Variants in VPS13B observed in about 807,000 individuals in gnomAD.
The protein encoded by VPS13B is intermembrane lipid transfer protein VPS13B.
A neutral mutation model predicts 426.4 loss-of-function variants in VPS13B; 285 were observed. The observed-to-expected ratio is 0.67, with a 90% CI of 0.61 to 0.74. The LOEUF (loss-of-function observed/expected upper bound fraction) is 0.74. Among genes scored for constraint, VPS13B ranks in the 30% least tolerant of loss-of-function variants. The pLI, the probability that VPS13B is intolerant of heterozygous loss-of-function variation, is 0.00. For missense variants in VPS13B, 4,537 were observed against 4,782.6 expected (o/e 0.95, Z 1.51); for synonymous variants, 1,676 against 1,676.4 (o/e 1.00, Z 0.01).
chr8:99,729,508 G>C (rs1045936890), intron 39 of VPS13B, among the ~76,000 whole-genome samples: 3 of 152,190 alleles, frequency 2.0e-5, no homozygotes, highest in African/African-American at 7.2e-5. Flanking sequence ...CTTATCTCCA[G>C]TGTGCTTAAG....
chr8:99,793,461 A>G (rs1034932841), intron 43 of VPS13B, among the ~76,000 whole-genome samples: 4 of 152,050 alleles, frequency 2.6e-5, no homozygotes, highest in African/African-American at 4.8e-5. Context: ...TTTAGATACT[A>G]TGGAGGCTAG....
In VPS13B at chr8:99,520,818, A is replaced by G. The variant is rs1028666542; in HGVS notation, c.4634-81A>G. On this transcript the variant is annotated intron_variant, in intron 29 of 61. Transcript: ENST00000357162. ...TCTTATCTTAATGTGTCTCTATTCC[A>G]TTCCCTCAAAGATTTCTCCTTATGC... 6 of 977,270 alleles carry G rather than the reference A, an allele frequency of 6.1e-6. No homozygotes were observed. The African/African-American group carries it at 9.6e-5, about 16-fold the overall frequency. 60.5% of individuals were successfully genotyped at this position (977,270 alleles called of 1,614,324 possible).
intron 52 of VPS13B, among the ~76,000 whole-genome samples, chr8:99,832,943 C>T (rs1379331062): frequency 6.6e-6 from 1 of 152,064 alleles, no homozygotes; most frequent in Non-Finnish European, 1.5e-5. Context: ...TATCATCATA[C>T]AAATAGCATC....
chr8:99,487,009 G>A (rs935535112), intron 25 of VPS13B, among the ~76,000 whole-genome samples: 2 of 151,932 alleles, frequency 1.3e-5, no homozygotes, highest in African/African-American at 4.8e-5. Context: ...TAGGCTTAAA[G>A]GGCAGGAGAG....
intron 22 of VPS13B, among the ~76,000 whole-genome samples, chr8:99,432,352 G>C (rs577508393): frequency 6.6e-6 from 1 of 152,154 alleles, no homozygotes; most frequent in African/African-American, 2.4e-5. Flanking sequence ...CTTGACTTAA[G>C]ATATAAAAGT....
At chr8:99,737,240 C>T (rs1833878624) in intron 39 of VPS13B, among the ~76,000 whole-genome samples, 1 of 149,228 alleles carries the variant, frequency 6.7e-6, no homozygotes, top group South Asian at 2.1e-4. Flanking sequence ...CCTGCCTCAG[C>T]CTCCCAAGTA....
intron 10 of VPS13B, 44 bp downstream of exon 10, chr8:99,135,181 T>A (rs375617776): frequency 7.5e-6 from 12 of 1,610,354 alleles, no homozygotes; most frequent in Non-Finnish European, 1.0e-5. Context: ...GATATAGGAA[T>A]AATTAAGTGC....
At chr8:99,587,916 T>C (rs1346526517) in intron 33 of VPS13B, among the ~76,000 whole-genome samples, 1 of 151,814 alleles carries the variant, frequency 6.6e-6, no homozygotes, top group Non-Finnish European at 1.5e-5. Flanking sequence ...TCCTGAATGG[T>C]AATGCCTAGG....
At chr8:99,613,527 C>G (rs1827931417) in intron 33 of VPS13B, among the ~76,000 whole-genome samples, 1 of 152,126 alleles carries the variant, frequency 6.6e-6, no homozygotes, top group African/African-American at 2.4e-5. Flanking sequence ...CAATAGATAG[C>G]ACGATTTCTT....
At chr8:99,305,213 G>A (rs1487194180) in intron 19 of VPS13B, among the ~76,000 whole-genome samples, 1 of 152,050 alleles carries the variant, frequency 6.6e-6, no homozygotes, top group Non-Finnish European at 1.5e-5. Flanking sequence ...TATGAATACA[G>A]TTGGCTCTTT....
chr8:99,523,284 G>A (rs905956286), intron 30 of VPS13B, among the ~76,000 whole-genome samples: 1 of 152,160 alleles, frequency 6.6e-6, no homozygotes, highest in Admixed American at 6.5e-5. Flanking sequence ...TGGGAGCCGG[G>A]GAACTCACCA....
intron 16 of VPS13B, among the ~76,000 whole-genome samples, chr8:99,181,411 T>C (rs1812940162): frequency 1.3e-5 from 2 of 152,304 alleles, no homozygotes; most frequent in Middle Eastern, 3.4e-3. Flanking sequence ...TTATGTATTA[T>C]AGTGGTTAGG....
At chr8:99,519,909 C>G (rs1822282530) in intron 29 of VPS13B, among the ~76,000 whole-genome samples, 2 of 152,036 alleles carry the variant, frequency 1.3e-5, no homozygotes, top group African/African-American at 4.8e-5. Flanking sequence ...ATGTAACAAA[C>G]CTGCATGTTG....
chr8:99,476,134 C>T (rs1819675740), intron 24 of VPS13B, among the ~76,000 whole-genome samples: 1 of 152,102 alleles, frequency 6.6e-6, no homozygotes, highest in African/African-American at 2.4e-5. Flanking sequence ...AAATGTGAGA[C>T]CATCTTTGCA....
At chr8:99,803,249 G>A (rs1377062376) in intron 43 of VPS13B, among the ~76,000 whole-genome samples, 1 of 152,130 alleles carries the variant, frequency 6.6e-6, no homozygotes, top group African/African-American at 2.4e-5. Flanking sequence ...TTATGAATGT[G>A]TCAGGTTTCC....
At chr8:99,752,468 A>G (rs1042067897) in intron 39 of VPS13B, among the ~76,000 whole-genome samples, 2 of 152,180 alleles carry the variant, frequency 1.3e-5, no homozygotes, top group Non-Finnish European at 2.9e-5. Context: ...CTTATATACT[A>G]CAATAGTCAG....
At chr8:99,442,736 C>T in intron 23 of VPS13B, 101 bp downstream of exon 23, 1 of 1,239,458 alleles carries the variant, frequency 8.1e-7, no homozygotes, top group South Asian at 1.3e-5. Context: ...AATCAGTCTT[C>T]TCATTGAAAG....
At chr8:99,418,511 CTTT>C (rs1816185676) in intron 21 of VPS13B, among the ~76,000 whole-genome samples, 2 of 118,052 alleles carry the variant, frequency 1.7e-5, no homozygotes, top group South Asian at 2.6e-4. Context: ...TTCTTTCTTT[CTTT>C]CCTTTCTTTC....
chr8:99,132,829 G>A lies in VPS13B; in HGVS notation c.1207-1803G>A, dbSNP rs577512678. ...TAAGAGGAGTCCTTTTTTTTGAGAA[G>A]TAGGTTTCCATAGGCTTAAAGTATT... On this transcript the variant is annotated intron_variant, in intron 8 of 61. Transcript: ENST00000357162. Among the ~76,000 whole-genome samples the A allele has an allele frequency of 2.0e-5, 3 of 152,206 alleles. No individual in the cohort carries two copies. In the East Asian group the frequency reaches 5.8e-4, roughly 29 times the overall value.
Sources: gnomAD v4.1 joint callset for allele counts (sites outside exome capture counted in the v4.1 genomes callset) on GRCh38, gnomAD v4.1.1 for gene constraint, MANE v1.5 for transcripts, NCBI Gene and HGNC (gene_info 2026-07-23, HGNC 2026-07-21) for gene names.